Variants in HMGA2 observed in about 807,000 individuals in gnomAD.
The protein encoded by HMGA2 is high mobility group AT-hook 2, also known as high mobility group protein HMGI-C.
HMGA2 carries 8 observed loss-of-function variants against 19.1 expected under a neutral mutation model. That is an observed-to-expected ratio of 0.42 (90% CI 0.25 to 0.76). The LOEUF (loss-of-function observed/expected upper bound fraction) is 0.76. Among genes scored for constraint, HMGA2 ranks in the 30% least tolerant of loss-of-function variants. HMGA2 has a pLI of 0.28. For missense variants in HMGA2, 109 were observed against 136.3 expected (o/e 0.80, Z 1.00); for synonymous variants, 60 against 48.8 (o/e 1.23, Z -0.96).
chr12:65,840,359 G>C (rs1870944227), intron 3 of HMGA2, among the ~76,000 whole-genome samples: 1 of 152,220 alleles, frequency 6.6e-6, no homozygotes, highest in Non-Finnish European at 1.5e-5. Flanking sequence ...TCAAGCATCA[G>C]GGGATGACTT....
chr12:65,869,161 G>A (rs1188710276), intron 3 of HMGA2, among the ~76,000 whole-genome samples: 1 of 151,882 alleles, frequency 6.6e-6, no homozygotes, highest in African/African-American at 2.4e-5. Flanking sequence ...TTTTTGGTAG[G>A]GTTCTCTGGG....
chr12:65,931,528 C>G lies in HMGA2; in HGVS notation c.250-19855C>G, dbSNP rs183041051. Reference sequence around the variant, plus strand: ...TTATCAAGGGCAACAAGAATGGAACCCAGGAGCTAAGTTTATAGATGTTTG... The same window carrying G: ...TTATCAAGGGCAACAAGAATGGAACGCAGGAGCTAAGTTTATAGATGTTTG... On this transcript the variant is annotated intron_variant, in intron 3 of 4. Transcript: ENST00000403681. Among the ~76,000 whole-genome samples, 25 of 149,550 alleles carry G rather than the reference C, an allele frequency of 1.7e-4. No individual in the cohort carries two copies. The East Asian group carries it at 4.6e-3, about 27-fold the overall frequency.
Position 65,866,953 on chromosome 12 carries a change from C to A in HMGA2, c.249+28384C>A, listed in dbSNP as rs149395207. 1.2e-3 allele frequency: 535 copies of A among 456,764 alleles called. 5 individuals carry two copies. The highest frequency in any genetic ancestry group is 9.7e-3 in the African/African-American group (485 of 50,136). 28.3% of individuals were successfully genotyped at this position (456,764 alleles called of 1,614,324 possible). On this transcript the variant is annotated intron_variant, in intron 3 of 4. Transcript: ENST00000403681. ...AGGAACATGTGCCTTCCCATCTTGA[C>A]ACTGGTAGAGAGAGAGATTGAGAGA...
At position 65,910,204 on chromosome 12, in the gene HMGA2, T is replaced by C. The variant is rs543372515; in HGVS notation, c.250-41179T>C. On this transcript the variant is annotated intron_variant, in intron 3 of 4. Transcript: ENST00000403681. Reference sequence around the variant, plus strand: ...TACTCAGCCACAGCTGAAAACATGCTCCTTTCTCTGCCCTTAGTCAGGGGA... The same window carrying C: ...TACTCAGCCACAGCTGAAAACATGCCCCTTTCTCTGCCCTTAGTCAGGGGA... Among the ~76,000 whole-genome samples the C allele has an allele frequency of 5.3e-5, 8 of 152,288 alleles. No homozygotes were observed. The East Asian group carries it at 1.4e-3, about 26-fold the overall frequency.
At chr12:65,954,546 G>A (rs1876551479) in intron 4 of HMGA2, 1 of 152,196 alleles carries the variant, frequency 6.6e-6, no homozygotes, top group African/African-American at 2.4e-5. Context: ...GGGGTACAAA[G>A]CAGCAGAGTT....
At chr12:65,871,084 T>C (rs1330054380) in intron 3 of HMGA2, among the ~76,000 whole-genome samples, 1 of 152,238 alleles carries the variant, frequency 6.6e-6, no homozygotes, top group Non-Finnish European at 1.5e-5. Flanking sequence ...CATAGTCTAA[T>C]GACCAATGCA....
At chr12:65,921,200 T>C (rs1442687931) in intron 3 of HMGA2, among the ~76,000 whole-genome samples, 2 of 152,218 alleles carry the variant, frequency 1.3e-5, no homozygotes, top group Non-Finnish European at 2.9e-5. Flanking sequence ...CAGAAGAAAT[T>C]TCTAAGCAGC....
At chr12:65,955,427 G>A (rs1166701145) in intron 4 of HMGA2, 2 of 151,972 alleles carry the variant, frequency 1.3e-5, no homozygotes, top group East Asian at 3.9e-4. Context: ...AAAAAGTTTC[G>A]CTAGTTTATC....
chr12:65,941,376 A>G (rs559815490), intron 3 of HMGA2, among the ~76,000 whole-genome samples: 1 of 152,314 alleles, frequency 6.6e-6, no homozygotes, highest in African/African-American at 2.4e-5. Flanking sequence ...CATGTAGCAG[A>G]AAGAACTCAC....
At chr12:65,864,981 T>G (rs1229539323) in intron 3 of HMGA2, among the ~76,000 whole-genome samples, 1 of 152,146 alleles carries the variant, frequency 6.6e-6, no homozygotes, top group East Asian at 1.9e-4. Context: ...CTTCTCCCTC[T>G]TCTGCCTCTG....
intron 3 of HMGA2, among the ~76,000 whole-genome samples, chr12:65,871,174 T>C (rs1056111632): frequency 6.6e-6 from 1 of 152,178 alleles, no homozygotes; most frequent in African/African-American, 2.4e-5. Context: ...ATTTATACAG[T>C]TTTACATGGT....
chr12:65,842,480 A>G (rs1247379914), intron 3 of HMGA2: 28 of 856,412 alleles, frequency 3.3e-5, no homozygotes, highest in Non-Finnish European at 4.3e-5. Flanking sequence ...CTAACCAAGT[A>G]CCCTTGACAG....
intron 3 of HMGA2, among the ~76,000 whole-genome samples, chr12:65,901,651 C>T (rs1363399481): frequency 6.6e-6 from 1 of 152,122 alleles, no homozygotes; most frequent in Non-Finnish European, 1.5e-5. Flanking sequence ...CAATTATTTA[C>T]TAAACATTCC....
chr12:65,949,690 A>G (rs1374653003), intron 3 of HMGA2, among the ~76,000 whole-genome samples: 1 of 152,198 alleles, frequency 6.6e-6, no homozygotes, highest in Non-Finnish European at 1.5e-5. Flanking sequence ...TTTCACTCAA[A>G]AGAGGAGAGT....
intron 3 of HMGA2, among the ~76,000 whole-genome samples, chr12:65,891,808 T>C (rs1156723252): frequency 1.3e-5 from 2 of 152,168 alleles, no homozygotes; most frequent in East Asian, 3.9e-4. Context: ...TCCTCACTCA[T>C]AGTATTAATG....
chr12:65,889,819 A>G (rs1044288936), intron 3 of HMGA2, among the ~76,000 whole-genome samples: 2 of 152,190 alleles, frequency 1.3e-5, no homozygotes, highest in Non-Finnish European at 2.9e-5. Flanking sequence ...GTAGGACTCA[A>G]TAGCTGATGA....
intron 3 of HMGA2, among the ~76,000 whole-genome samples, chr12:65,868,937 G>A (rs1872571230): frequency 6.6e-6 from 1 of 152,174 alleles, no homozygotes; most frequent in Non-Finnish European, 1.5e-5. Flanking sequence ...AAACATTAAT[G>A]CTGTCCCAAA....
intron 3 of HMGA2, among the ~76,000 whole-genome samples, chr12:65,885,227 T>G (rs1253638724): frequency 2.6e-5 from 4 of 152,312 alleles, no homozygotes; most frequent in African/African-American, 9.6e-5. Context: ...TTACAGATTA[T>G]TTTAGGTAGA....
chr12:65,953,884 A>G (rs1029257590), intron 4 of HMGA2: 1 of 152,096 alleles, frequency 6.6e-6, no homozygotes, highest in Non-Finnish European at 1.5e-5. Context: ...CTTTCAAAAT[A>G]CCCTCCCAGA....
Sources: gnomAD v4.1 joint callset for allele counts (sites outside exome capture counted in the v4.1 genomes callset) on GRCh38, gnomAD v4.1.1 for gene constraint, MANE v1.5 for transcripts, NCBI Gene and HGNC (gene_info 2026-07-23, HGNC 2026-07-21) for gene names.